Variants in TBC1D19 observed in about 807,000 individuals in gnomAD.
TBC1D19 encodes the protein TBC1 domain family member 19.
A neutral mutation model predicts 89.0 loss-of-function variants in TBC1D19; 60 were observed. The observed-to-expected ratio is 0.67, with a 90% CI of 0.55 to 0.84. The LOEUF (loss-of-function observed/expected upper bound fraction) is 0.84. TBC1D19 is among the 40% of genes least tolerant of loss of function. TBC1D19 has a pLI of 0.00. For missense variants in TBC1D19, 500 were observed against 610.8 expected (o/e 0.82, Z 1.91); for synonymous variants, 189 against 199.7 (o/e 0.95, Z 0.45).
intron 1 of TBC1D19, among the ~76,000 whole-genome samples, chr4:26,604,156 T>C (rs986765643): frequency 2.0e-4 from 28 of 140,786 alleles, no homozygotes; most frequent in African/African-American, 6.5e-4. Flanking sequence ...TTCTTTTTTT[T>C]TTTTTTTTTT....
At chr4:26,654,389 T>G (rs1033494084) in intron 7 of TBC1D19, among the ~76,000 whole-genome samples, 1 of 152,176 alleles carries the variant, frequency 6.6e-6, no homozygotes, top group African/African-American at 2.4e-5. Context: ...TTTCTGGCGT[T>G]CTCTGTATTT....
At chr4:26,638,472 G>A (rs1743274934) in intron 5 of TBC1D19, among the ~76,000 whole-genome samples, 1 of 152,174 alleles carries the variant, frequency 6.6e-6, no homozygotes, top group Admixed American at 6.5e-5. Flanking sequence ...GGTAAGAGAA[G>A]TAGTATGTGG....
chr4:26,796,172 G>A, the TBC1D19 span, among the ~76,000 whole-genome samples: 3 of 152,254 alleles, frequency 2.0e-5, no homozygotes, highest in East Asian at 1.9e-4. Context: ...GTTACGAAAA[G>A]CAATGTTCCA....
At chr4:26,687,608 TTAA>T (rs1414635881) in intron 12 of TBC1D19, among the ~76,000 whole-genome samples, 2 of 152,164 alleles carry the variant, frequency 1.3e-5, no homozygotes, top group African/African-American at 2.4e-5. Flanking sequence ...TTAATTTCTA[TTAA>T]TAATTTTATC....
intron 7 of TBC1D19, among the ~76,000 whole-genome samples, chr4:26,656,446 C>G (rs1744813658): frequency 6.6e-6 from 1 of 152,040 alleles, no homozygotes; most frequent in Admixed American, 6.5e-5. Flanking sequence ...AACATTATTT[C>G]TTTATGATCC....
At chr4:26,754,840 G>A in intron 20 of TBC1D19, 33 bp from the exon 21 acceptor site, 1 of 1,526,940 alleles carries the variant, frequency 6.5e-7, no homozygotes, top group Non-Finnish European at 8.9e-7. Context: ...ACTTCGCTTT[G>A]CTATTAATAA....
chr4:26,620,737 AT>A (rs749389973), intron 4 of TBC1D19, 49 bp downstream of exon 4: 1 of 1,533,798 alleles, frequency 6.5e-7, no homozygotes, highest in South Asian at 1.1e-5. Context: ...AAGTTATGTA[AT>A]ACAGAGCAAA....
chr4:26,726,034 T>C (rs1717288664), intron 15 of TBC1D19, among the ~76,000 whole-genome samples: 2 of 152,098 alleles, frequency 1.3e-5, no homozygotes, highest in African/African-American at 4.8e-5. Flanking sequence ...ATTTGTTTCT[T>C]ACATGACAGA....
rs751963175 is a variant in TBC1D19, at chr4:26,753,790, G to C, written c.1436-30G>C. The C allele has an allele frequency of 7.4e-6, 12 of 1,613,354 alleles. No individual in the cohort carries two copies. The South Asian group carries it at 1.3e-4, about 18-fold the overall frequency. On this transcript the variant is annotated intron_variant, in intron 19 of 20. Coordinates refer to ENST00000264866, the MANE Select transcript of TBC1D19 (RefSeq NM_018317.4). ...CCGTGCCGGGCTGATGAGTAGGCCAGCAGTTGAAGTAGTGTGCATTCTTTT... is the reference window on the plus strand; with the variant it reads ...CCGTGCCGGGCTGATGAGTAGGCCACCAGTTGAAGTAGTGTGCATTCTTTT...
At chr4:26,758,115 A>C (rs913849690), downstream of TBC1D19, among the ~76,000 whole-genome samples, 2 of 152,126 alleles carry the variant, frequency 1.3e-5, no homozygotes, top group Non-Finnish European at 2.9e-5. Context: ...GATACCATGG[A>C]GCCTATAAAT....
At chr4:26,681,453 G>A (rs1196088036) in intron 11 of TBC1D19, among the ~76,000 whole-genome samples, 2 of 151,920 alleles carry the variant, frequency 1.3e-5, no homozygotes, top group African/African-American at 2.4e-5. Flanking sequence ...CGGGAGGCTG[G>A]AGCAGGAGAA....
Position 26,638,768 on chromosome 4 carries a change from C to T in TBC1D19, c.370-3C>T. The T allele has an allele frequency of 1.9e-6, 3 of 1,605,692 alleles. No individual in the cohort carries two copies. The highest frequency in any genetic ancestry group is 2.5e-6 in the Non-Finnish European group (3 of 1,177,464). On this transcript the variant is annotated splice_polypyrimidine_tract_variant and splice_region_variant and intron_variant, in intron 5 of 20. Transcript: ENST00000264866. Reference sequence around the variant, plus strand: ...AAACCAGTTTCAAAATTACCTTTTCCAGAGGCCAGTTGGAGAACAGAAAGA... The same window carrying T: ...AAACCAGTTTCAAAATTACCTTTTCTAGAGGCCAGTTGGAGAACAGAAAGA...
At chr4:26,597,229 A>C (rs1047953788) in intron 1 of TBC1D19, among the ~76,000 whole-genome samples, 2 of 152,254 alleles carry the variant, frequency 1.3e-5, no homozygotes, top group Non-Finnish European at 2.9e-5. Context: ...ATTTTTGCTT[A>C]TGTATTTAAA....
At chr4:26,672,437 C>T (rs1447487606) in intron 10 of TBC1D19, among the ~76,000 whole-genome samples, 1 of 151,954 alleles carries the variant, frequency 6.6e-6, no homozygotes, top group Non-Finnish European at 1.5e-5. Flanking sequence ...AATGCAGACA[C>T]ATATTCCTCA....
At chr4:26,700,146 G>T (rs560389802) in intron 13 of TBC1D19, among the ~76,000 whole-genome samples, 1 of 152,034 alleles carries the variant, frequency 6.6e-6, no homozygotes, top group East Asian at 1.9e-4. Context: ...ATTTATAATA[G>T]GACTATCAGA....
chr4:26,668,000 G>A (rs996580246), intron 9 of TBC1D19, among the ~76,000 whole-genome samples: 18 of 152,000 alleles, frequency 1.2e-4, no homozygotes, highest in Admixed American at 9.9e-4. Context: ...CCATATTAAA[G>A]TAGAGGATGT....
chr4:26,752,235 A>ATTTC (rs1227591822), intron 19 of TBC1D19, among the ~76,000 whole-genome samples: 7 of 143,216 alleles, frequency 4.9e-5, no homozygotes, highest in Non-Finnish European at 9.2e-5. Context: ...AATTTGGAAT[A>ATTTC]TTTCTTTCTT....
intron 9 of TBC1D19, among the ~76,000 whole-genome samples, chr4:26,670,644 T>G (rs575796414): frequency 6.6e-6 from 1 of 151,730 alleles, no homozygotes; most frequent in Non-Finnish European, 1.5e-5. Flanking sequence ...TTTTACAAAG[T>G]GAACACACTT....
intron 4 of TBC1D19, among the ~76,000 whole-genome samples, chr4:26,636,833 T>A (rs972432454): frequency 6.6e-6 from 1 of 152,142 alleles, no homozygotes; most frequent in Admixed American, 6.5e-5. Flanking sequence ...ACTAGATCAT[T>A]AATGAGATTC....
Sources: gnomAD v4.1 joint callset for allele counts (sites outside exome capture counted in the v4.1 genomes callset) on GRCh38, gnomAD v4.1.1 for gene constraint, MANE v1.5 for transcripts, NCBI Gene and HGNC (gene_info 2026-07-23, HGNC 2026-07-21) for gene names.